Variants in PLXNA2 observed in about 807,000 individuals in gnomAD.
PLXNA2 encodes the protein plexin-A2.
In PLXNA2, 91 loss-of-function variants were observed where a neutral mutation model predicts 193.5. That is an observed-to-expected ratio of 0.47 (90% confidence interval 0.40 to 0.56). The LOEUF (loss-of-function observed/expected upper bound fraction) is 0.56. PLXNA2 is among the 20% of genes least tolerant of loss of function. The pLI, the probability that PLXNA2 is intolerant of heterozygous loss-of-function variation, is 0.00. For missense variants in PLXNA2, 1,995 were observed against 2,503.2 expected, an observed-to-expected ratio of 0.80 and a Z score of 4.33; for synonymous variants, 997 against 1,027.3, an observed-to-expected ratio of 0.97 and a Z score of 0.56.
At chr1:208,083,247 C>T (rs528449095) in intron 10 of PLXNA2, among the ~76,000 whole-genome samples, 1 of 152,178 alleles carries the variant, frequency 6.6e-6, no homozygotes, top group Admixed American at 6.5e-5. Flanking sequence ...TCGTTAAAGT[C>T]CTCTAGCTGT....
chr1:208,237,021 C>T (rs1034547284), intron 1 of PLXNA2, among the ~76,000 whole-genome samples: 4 of 152,192 alleles, frequency 2.6e-5, no homozygotes, highest in Non-Finnish European at 5.9e-5. Flanking sequence ...TTAGAGACAG[C>T]CTTTGAGTTG....
rs191535538 is a variant in PLXNA2 at position 208,082,181 on chromosome 1, C to A, written c.2395+231G>T. The stretch of plus-strand genomic sequence containing the variant: ...AAAGCCTGCAGGAGCCAAAGAATAA[C>A]GTGGATGGGCCGGCGGCCGCCCAGC... On this transcript the variant is annotated intron_variant, in intron 11 of 31. Transcript: ENST00000367033. This position sits in a 1 kb window ranked among gnomAD's most constrained non-coding sequence, Gnocchi z 4.2. 6.6e-6 allele frequency among the ~76,000 whole-genome samples: 1 copy of A among 152,170 alleles called. No homozygotes were observed. The highest frequency in any genetic ancestry group is 2.4e-5 in the African/African-American group (1 of 41,424).
intron 4 of PLXNA2, among the ~76,000 whole-genome samples, chr1:208,104,597 A>G (rs968229846): frequency 6.6e-6 from 1 of 152,180 alleles, no homozygotes; most frequent in African/African-American, 2.4e-5. Context: ...AGACATGCCA[A>G]TCTGAAGGAT....
chr1:208,104,823 A>G (rs1247998320), intron 4 of PLXNA2, among the ~76,000 whole-genome samples: 1 of 152,160 alleles, frequency 6.6e-6, no homozygotes, highest in Non-Finnish European at 1.5e-5. Context: ...CTTTAATAAT[A>G]AAAACATGAA....
chr1:208,131,019 G>T (rs1366125560), intron 4 of PLXNA2, among the ~76,000 whole-genome samples: 1 of 152,180 alleles, frequency 6.6e-6, no homozygotes, highest in Non-Finnish European at 1.5e-5. Context: ...GATGTCCCTG[G>T]ATAAAAGGCC....
In PLXNA2 at chr1:208,022,776, T is replaced by A. The variant is rs1257487207; in HGVS notation, c.*4467A>T. ...CAGGGTAGGAGGGAGCAGGCTGCACTGCAGCAGAAAGAAGACAGCTCAGGC... is the reference window on the plus strand; with the variant it reads ...CAGGGTAGGAGGGAGCAGGCTGCACAGCAGCAGAAAGAAGACAGCTCAGGC... On this transcript the variant is annotated 3_prime_UTR_variant, in exon 32 of 32. Coordinates refer to ENST00000367033, the MANE Select transcript of PLXNA2 (RefSeq NM_025179.4). 6.6e-6 allele frequency: 1 copy of A among 152,286 alleles called. No individual in the cohort carries two copies. The highest frequency in any genetic ancestry group is 1.9e-4 in the East Asian group (1 of 5,186). 9.4% of individuals were successfully genotyped at this position (152,286 alleles called of 1,614,324 possible).
intron 13 of PLXNA2, 89 bp downstream of exon 13, chr1:208,060,597 A>C (rs983706362): frequency 1.5e-6 from 2 of 1,339,078 alleles, no homozygotes; most frequent in African/African-American, 2.9e-5. Context: ...GAGATCAATC[A>C]TGGAAAAGGC....
At chr1:208,074,802 C>T (rs1046314584) in intron 12 of PLXNA2, among the ~76,000 whole-genome samples, 1 of 152,176 alleles carries the variant, frequency 6.6e-6, no homozygotes, top group African/African-American at 2.4e-5. Flanking sequence ...TAGAATCCTT[C>T]TCTTTTCATC....
chr1:208,163,688 T>C (rs1669205742), intron 3 of PLXNA2, among the ~76,000 whole-genome samples: 1 of 152,210 alleles, frequency 6.6e-6, no homozygotes. Context: ...GTTCCCTAGT[T>C]ACAGGTTCCC....
intron 12 of PLXNA2, among the ~76,000 whole-genome samples, chr1:208,077,547 C>T (rs1666200888): frequency 6.6e-6 from 1 of 152,122 alleles, no homozygotes; most frequent in Non-Finnish European, 1.5e-5. Flanking sequence ...TTAAGCTCCC[C>T]CACACCATGG....
chr1:208,203,995 C>T (rs1415890910), intron 3 of PLXNA2, among the ~76,000 whole-genome samples: 4 of 152,272 alleles, frequency 2.6e-5, no homozygotes, highest in African/African-American at 9.6e-5. Context: ...CTTAGTAAAT[C>T]GTTTGTGCGA....
intron 4 of PLXNA2, among the ~76,000 whole-genome samples, chr1:208,114,774 TTG>T (rs1667587126): frequency 6.6e-6 from 1 of 152,124 alleles, no homozygotes; most frequent in Non-Finnish European, 1.5e-5. Context: ...CTATAGAGAA[TTG>T]TCTTGTCCAT....
intron 3 of PLXNA2, among the ~76,000 whole-genome samples, chr1:208,192,761 C>T (rs190594421): frequency 1.8e-4 from 28 of 152,226 alleles, no homozygotes; most frequent in African/African-American, 5.1e-4. Flanking sequence ...GTGATGCATG[C>T]CTGTAGTCCC....
chr1:208,211,692 CAAAA>C (rs10561845), intron 2 of PLXNA2, among the ~76,000 whole-genome samples: 4 of 116,322 alleles, frequency 3.4e-5, no homozygotes, highest in African/African-American at 3.4e-5. Flanking sequence ...GACTCCGTCT[CAAAA>C]AAAAAAAAAA....
chr1:208,174,047 T>C (rs1308313933), intron 3 of PLXNA2, among the ~76,000 whole-genome samples: 1 of 152,196 alleles, frequency 6.6e-6, no homozygotes, highest in South Asian at 2.1e-4. Flanking sequence ...GAGAAGTTGG[T>C]GGAATATGTG....
At chr1:208,145,784 CTTT>C (rs1668584953) in intron 3 of PLXNA2, among the ~76,000 whole-genome samples, 1 of 152,214 alleles carries the variant, frequency 6.6e-6, no homozygotes, top group Non-Finnish European at 1.5e-5. Flanking sequence ...CAACCCCAAT[CTTT>C]TAATAAGCCA....
chr1:208,202,265 C>A (rs1331472146), intron 3 of PLXNA2, among the ~76,000 whole-genome samples: 1 of 152,166 alleles, frequency 6.6e-6, no homozygotes, highest in African/African-American at 2.4e-5. Flanking sequence ...CAGGTGTGAG[C>A]CACCATACCT....
chr1:208,237,142 T>C (rs1404138064), intron 1 of PLXNA2, among the ~76,000 whole-genome samples: 2 of 152,234 alleles, frequency 1.3e-5, no homozygotes, highest in Non-Finnish European at 1.5e-5. Context: ...TTCATCCTCC[T>C]AACCTTTCTC....
Position 208,244,360 on chromosome 1 carries a change from C to G in PLXNA2, c.-798G>C, listed in dbSNP as rs948007255. On this transcript the variant is annotated 5_prime_UTR_variant, in exon 1 of 32. It removes the in-frame stop codon of an upstream open reading frame in the 5' UTR. Coordinates refer to ENST00000367033, the MANE Select transcript of PLXNA2 (RefSeq NM_025179.4). Reference sequence around the variant, plus strand: ...GGAGGAGCCCTGAGCGCCGGCCTCCCTATTTCACCATGCAGCTCATTATCA... The same window carrying G: ...GGAGGAGCCCTGAGCGCCGGCCTCCGTATTTCACCATGCAGCTCATTATCA... 22 of 193,648 alleles carry G rather than the reference C, an allele frequency of 1.1e-4. No homozygotes were observed. The highest frequency in any genetic ancestry group is 6.4e-5 in the Admixed American group (1 of 15,670). 12.0% of individuals were successfully genotyped at this position (193,648 alleles called of 1,614,324 possible).
Sources: gnomAD v4.1 joint callset for allele counts (sites outside exome capture counted in the v4.1 genomes callset) on GRCh38, gnomAD v4.1.1 for gene constraint, Gnocchi (gnomAD v3.1) non-coding constraint, MANE v1.5 for transcripts, NCBI Gene and HGNC (gene_info 2026-07-23, HGNC 2026-07-21) for gene names.